Variants in COL7A1 observed in about 807,000 individuals in gnomAD.
COL7A1 encodes the protein collagen type VII alpha 1 chain, also known as collagen alpha-1(VII) chain.
In COL7A1, 296 loss-of-function variants were observed where a neutral mutation model predicts 456.2. That is an observed-to-expected ratio of 0.65 (90% CI 0.59 to 0.71). COL7A1 has a LOEUF of 0.71. Ranked by LOEUF, COL7A1 falls within the 30% of genes least tolerant of loss-of-function variation. The pLI, the probability that COL7A1 is intolerant of heterozygous loss-of-function variation, is 0.00. For synonymous variants in COL7A1, 1,464 were observed against 1,525.9 expected, an observed-to-expected ratio of 0.96 and a Z score of 0.95; for missense variants, 3,441 against 4,017.2, an observed-to-expected ratio of 0.86 and a Z score of 3.88.
Position 48,583,909 on chromosome 3 carries a change from A to G in COL7A1, c.4269T>C (p.Pro1423=), listed in dbSNP as rs2107729806. The G allele has an allele frequency of 6.2e-7, 1 of 1,613,840 alleles. No individual in the cohort carries two copies. Among genetic ancestry groups the G allele is most frequent in the South Asian group, 1.1e-5 (1 of 91,078 alleles). ...CCTCAAGGCCCCTCACCGGCAGCCC[A>G]GGCTCCCCAGGAGCAATGCCACCTT... is the stretch of plus-strand genomic sequence containing the variant. ...PGEGGIAPGE[P]GLPGLPGSPG... The change falls in exon 39 of 119, where the codon CCT becomes CCC. Residue 1423 remains proline (P), a synonymous_variant. Coordinates refer to ENST00000681320, the MANE Select transcript of COL7A1 (RefSeq NM_000094.4). This position sits in a 1 kb window ranked among gnomAD's most constrained non-coding sequence, Gnocchi z 5.1.
chr3:48,567,889 A>C lies in COL7A1; in HGVS notation c.7878T>G (p.Gly2626=), dbSNP rs1284745171. Reference sequence around the variant, plus strand: ...CACAGGCTCCCTTCACTCCCCGTTCACCCTGAGGGAGAAAAGCAGATGAAG... The same window carrying C: ...CACAGGCTCCCTTCACTCCCCGTTCCCCCTGAGGGAGAAAAGCAGATGAAG... The part of the protein sequence containing the change: ...VGFMGPRGLK[G]ERGVKGACGL... Residue 2626 remains glycine (G), a splice_region_variant and synonymous_variant, in exon 107 of 119, where the codon GGT becomes GGG. Transcript: ENST00000681320. This position sits in a 1 kb window ranked among gnomAD's most constrained non-coding sequence, Gnocchi z 4.3. The C allele has an allele frequency of 6.2e-7, 1 of 1,612,736 alleles. No individual in the cohort carries two copies. The highest frequency in any genetic ancestry group is 1.1e-5 in the South Asian group (1 of 91,030).
chr3:48,587,178 C>T lies in COL7A1; in HGVS notation c.3139+12G>A, dbSNP rs2255532. The T allele has an allele frequency of 0.35, 562,418 of 1,612,868 alleles. 107,854 individuals carry two copies. Among genetic ancestry groups the T allele is most frequent in the African/African-American group, 0.78 (58,040 of 74,882 alleles). On this transcript the variant is annotated intron_variant, in intron 24 of 118. Transcript: ENST00000681320. The surrounding 1 kb of genome is among the most constrained non-coding windows in gnomAD (Gnocchi z 6.1). ...ACACACCTTTCTGCCCTTCCCACTA[C>T]GCCCACTATACCTGGCGTCTGTGTG...
In COL7A1 at chr3:48,564,153, G is replaced by A. The variant is rs1304328395; in HGVS notation, c.*253C>T. On this transcript the variant is annotated 3_prime_UTR_variant, in exon 119 of 119. Coordinates refer to ENST00000681320, the MANE Select transcript of COL7A1 (RefSeq NM_000094.4). This position sits in a 1 kb window ranked among gnomAD's most constrained non-coding sequence, Gnocchi z 6.0. Reference sequence around the variant, plus strand: ...GCTTGGGTCAAGGGGCGGGTCAGACGCCAGTCACATCCGCTCACTGCCCAC... The same window carrying A: ...GCTTGGGTCAAGGGGCGGGTCAGACACCAGTCACATCCGCTCACTGCCCAC... The A allele has an allele frequency of 8.5e-6, 5 of 589,248 alleles. No individual in the cohort carries two copies. The highest frequency in any genetic ancestry group is 5.9e-5 in the East Asian group (2 of 34,098). The allele number at this position is 589,248 out of a possible 1,614,324, so 36.5% of individuals were successfully genotyped here. A position where few individuals can be genotyped will look rare whatever the true frequency, so the allele number is the denominator to read the frequency against.
Position 48,581,026 on chromosome 3 carries a change from G to A in COL7A1, c.4935+96C>T. 2 of 1,599,436 alleles carry A rather than the reference G, an allele frequency of 1.3e-6. No individual in the cohort carries two copies. The highest frequency in any genetic ancestry group is 1.7e-6 in the Non-Finnish European group (2 of 1,167,638). On this transcript the variant is annotated intron_variant, in intron 53 of 118. Transcript: ENST00000681320. This position sits in a 1 kb window ranked among gnomAD's most constrained non-coding sequence, Gnocchi z 5.8. ...GGGTCTGAGCAGCAGCTGGACAGGA[G>A]GCAGGGAGTGGATGGATGAACTGGT...
In COL7A1 at chr3:48,579,377, C is replaced by T. The variant is rs2044562067; in HGVS notation, c.5299G>A (p.Gly1767Arg). Residue 1767 changes from glycine to arginine, a missense_variant, in exon 61 of 119, where the codon GGA becomes AGA. This residue lies in a region of COL7A1 where 2,084 missense variants were observed against 2,501.3 expected (regional missense o/e 0.83). Coordinates refer to ENST00000681320, the MANE Select transcript of COL7A1 (RefSeq NM_000094.4). The surrounding 1 kb of genome is among the most constrained non-coding windows in gnomAD (Gnocchi z 4.4). ...CCCCCACACCCTCTCACCTTTTCTCCTGCTGGGCCTCGGACACCTGGGTCC... is the reference window on the plus strand; with the variant it reads ...CCCCCACACCCTCTCACCTTTTCTCTTGCTGGGCCTCGGACACCTGGGTCC... Reference protein sequence around the residue: ...QGDPGVRGPAGEKGDRGPPGL... With the variant: ...QGDPGVRGPAREKGDRGPPGL... 6.2e-7 allele frequency: 1 copy of T among 1,614,214 alleles called. No individual in the cohort carries two copies. The highest frequency in any genetic ancestry group is 8.5e-7 in the Non-Finnish European group (1 of 1,180,034).
chr3:48,582,604 C>T lies in COL7A1; in HGVS notation c.4563+5G>A, dbSNP rs1255815479. 6.2e-7 allele frequency: 1 copy of T among 1,613,740 alleles called. No individual in the cohort carries two copies. The highest frequency in any genetic ancestry group is 8.5e-7 in the Non-Finnish European group (1 of 1,180,036). ...CTCCTGGTCCCACCACAGTCACAGA[C>T]TCACTTCAGGACCCTTGGCTCCAGG... On this transcript the variant is annotated splice_donor_5th_base_variant and intron_variant, in intron 45 of 118. Coordinates refer to ENST00000681320, the MANE Select transcript of COL7A1 (RefSeq NM_000094.4).
chr3:48,578,993 G>T lies in COL7A1; in HGVS notation c.5389-39C>A. ...CAAAGTCAGTTCATCATGGTCATGG[G>T]GTCAGGGGCTCTAGTCCCTGTGAGC... is the stretch of plus-strand genomic sequence containing the variant. On this transcript the variant is annotated intron_variant, in intron 62 of 118. Coordinates refer to ENST00000681320, the MANE Select transcript of COL7A1 (RefSeq NM_000094.4). This position sits in a 1 kb window ranked among gnomAD's most constrained non-coding sequence, Gnocchi z 4.7. The T allele has an allele frequency of 6.2e-7, 1 of 1,613,514 alleles. No homozygotes were observed. The highest frequency in any genetic ancestry group is 8.5e-7 in the Non-Finnish European group (1 of 1,179,660).
In COL7A1 at chr3:48,579,878, T is replaced by C; in HGVS notation, c.5125-64A>G. The C allele has an allele frequency of 2.5e-6, 4 of 1,613,026 alleles. No homozygotes were observed. The highest frequency in any genetic ancestry group is 2.2e-5 in the East Asian group (1 of 44,862). On this transcript the variant is annotated intron_variant, in intron 57 of 118. Coordinates refer to ENST00000681320, the MANE Select transcript of COL7A1 (RefSeq NM_000094.4). The surrounding 1 kb of genome is among the most constrained non-coding windows in gnomAD (Gnocchi z 4.4). ...AGGGGAAGAGGAGTTGGCGAGGGGA[T>C]ACAGGGTCTGTGAGGGGCTCCAGGG...
rs141244073 is a variant in COL7A1, at chr3:48,592,227, T to C, written c.1115A>G (p.Glu372Gly). Residue 372 changes from glutamate (E) to glycine (G), a missense_variant, in exon 10 of 119, where the codon GAG becomes GGG. Coordinates refer to ENST00000681320, the MANE Select transcript of COL7A1 (RefSeq NM_000094.4). The surrounding 1 kb of genome is among the most constrained non-coding windows in gnomAD (Gnocchi z 7.6). Reference protein sequence around the residue: ...VLSGGPTQQQELGPGQGSVLL... With the variant: ...VLSGGPTQQQGLGPGQGSVLL... ...CACTGAACCCTGCCCAGGGCCCAGCTCCTGCTGCTGTGTGGGCCCACCTGC... is the reference window on the plus strand; with the variant it reads ...CACTGAACCCTGCCCAGGGCCCAGCCCCTGCTGCTGTGTGGGCCCACCTGC... The C allele has an allele frequency of 5.6e-6, 9 of 1,613,366 alleles. No homozygotes were observed. In the African/African-American group the frequency reaches 9.4e-5, roughly 17 times the overall value.
chr3:48,591,916 C>T lies in COL7A1; in HGVS notation c.1339G>A (p.Glu447Lys). Reference sequence around the variant, plus strand: ...CACTGACCAGTCTCACGCCGCCATTCCAACCGGTAGCCACGGGCCTCAGGC... The same window carrying T: ...CACTGACCAGTCTCACGCCGCCATTTCAACCGGTAGCCACGGGCCTCAGGC... ...LVPEARGYRL[E>K]WRRETGLEPP... is the part of the protein sequence containing the mutation. The change falls in exon 11 of 119, where the codon GAA becomes AAA. Residue 447 changes from glutamate to lysine, a missense_variant. Glu to Lys is a moderately conservative substitution (Grantham distance 56). Around this residue, in one of 3 missense-constraint regions of COL7A1, gnomAD observed 913 missense variants for 1,088.2 expected, o/e 0.84. Coordinates refer to ENST00000681320, the MANE Select transcript of COL7A1 (RefSeq NM_000094.4). This position sits in a 1 kb window ranked among gnomAD's most constrained non-coding sequence, Gnocchi z 7.0. 6.2e-7 allele frequency: 1 copy of T among 1,614,194 alleles called. No homozygotes were observed. Among genetic ancestry groups the T allele is most frequent in the Non-Finnish European group, 8.5e-7 (1 of 1,180,038 alleles).
In COL7A1 at chr3:48,592,340, C is replaced by T. The variant is rs1311837776; in HGVS notation, c.1093+11G>A. On this transcript the variant is annotated intron_variant, in intron 9 of 118. Coordinates refer to ENST00000681320, the MANE Select transcript of COL7A1 (RefSeq NM_000094.4). The surrounding 1 kb of genome is among the most constrained non-coding windows in gnomAD (Gnocchi z 7.6). The stretch of plus-strand genomic sequence containing the variant: ...CGCGGGGACTCCCCTCAGCCCACAT[C>T]TCTCACTCACCACTGAGGACCCGCC... 2.0e-5 allele frequency: 32 copies of T among 1,613,396 alleles called. No homozygotes were observed. In the East Asian group the frequency reaches 7.1e-4, roughly 36 times the overall value.
In COL7A1 at chr3:48,579,531, G is replaced by A. The variant is rs767301319; in HGVS notation, c.5236-16C>T. ...CTTCAATGCCCTGAGGATAGGGGAG[G>A]AAGAAATCAGAGCAGGCCCTCCCAT... On this transcript the variant is annotated splice_polypyrimidine_tract_variant and intron_variant, in intron 59 of 118. Transcript: ENST00000681320. This position sits in a 1 kb window ranked among gnomAD's most constrained non-coding sequence, Gnocchi z 4.4. 4.3e-6 allele frequency: 7 copies of A among 1,613,924 alleles called. No homozygotes were observed. In the East Asian group the frequency reaches 8.9e-5, roughly 21 times the overall value.
At position 48,571,699 on chromosome 3, in the gene COL7A1, G is replaced by A. The variant is rs1240725372; in HGVS notation, c.7068+302C>T. On this transcript the variant is annotated intron_variant, in intron 92 of 118. Coordinates refer to ENST00000681320, the MANE Select transcript of COL7A1 (RefSeq NM_000094.4). The surrounding 1 kb of genome is among the most constrained non-coding windows in gnomAD (Gnocchi z 4.6). The stretch of plus-strand genomic sequence containing the variant: ...ATTGTAAACACAGGACCAAGGAGAG[G>A]TTCACAAGAACTCAGGTGTGTCCTG... 3 of 644,232 alleles carry A rather than the reference G, an allele frequency of 4.7e-6. No homozygotes were observed. Among genetic ancestry groups the A allele is most frequent in the African/African-American group, 3.6e-5 (2 of 55,928 alleles). The allele number at this position is 644,232 out of a possible 1,614,324, so 39.9% of individuals were successfully genotyped here.
In COL7A1 at chr3:48,590,406, ACCCATAC is replaced by A; in HGVS notation, c.1906+46_1907-51del. On this transcript the variant is annotated intron_variant, in intron 15 of 118. Coordinates refer to ENST00000681320, the MANE Select transcript of COL7A1 (RefSeq NM_000094.4). This position sits in a 1 kb window ranked among gnomAD's most constrained non-coding sequence, Gnocchi z 4.6. ...ATGGCTCCTGCCTGTCCCCTCTGGC[ACCCATAC>A]CCTCATTGGTCCCTTTGGCAGTCCC... 6.2e-7 allele frequency: 1 copy of A among 1,613,912 alleles called. No individual in the cohort carries two copies. The highest frequency in any genetic ancestry group is 8.5e-7 in the Non-Finnish European group (1 of 1,179,944).
At position 48,565,369 on chromosome 3, in the gene COL7A1, G is replaced by A. The variant is rs371458442; in HGVS notation, c.8527+41C>T. On this transcript the variant is annotated intron_variant, in intron 116 of 118. Coordinates refer to ENST00000681320, the MANE Select transcript of COL7A1 (RefSeq NM_000094.4). This position sits in a 1 kb window ranked among gnomAD's most constrained non-coding sequence, Gnocchi z 4.5. ...TCATGGACACCCATGTGCGTGTCTC[G>A]GCCCCACCCATAGCTGCCCCACGGG... 2.1e-4 allele frequency: 332 copies of A among 1,572,994 alleles called. No homozygotes were observed. The highest frequency in any genetic ancestry group is 2.2e-4 in the Non-Finnish European group (253 of 1,157,854).
chr3:48,591,820 A>G lies in COL7A1; in HGVS notation c.1360T>C (p.Leu454=), dbSNP rs753011870. Residue 454 remains leucine, a splice_region_variant and synonymous_variant, in exon 12 of 119, where the codon TTG becomes CTG. Coordinates refer to ENST00000681320, the MANE Select transcript of COL7A1 (RefSeq NM_000094.4). The surrounding 1 kb of genome is among the most constrained non-coding windows in gnomAD (Gnocchi z 7.0). ...YRLEWRRETG[L]EPPQKVVLPS... Reference sequence around the variant, plus strand: ...AGTACCACCTTCTGCGGTGGCTCCAAGCCTGCAAGATAACAGGGTCAGACC... The same window carrying G: ...AGTACCACCTTCTGCGGTGGCTCCAGGCCTGCAAGATAACAGGGTCAGACC... 2 of 1,614,026 alleles carry G rather than the reference A, an allele frequency of 1.2e-6. No individual in the cohort carries two copies. Among genetic ancestry groups the G allele is most frequent in the African/African-American group, 2.7e-5 (2 of 74,908 alleles).
chr3:48,584,473 C>T lies in COL7A1; in HGVS notation c.4119+12G>A. 2 of 1,613,994 alleles carry T rather than the reference C, an allele frequency of 1.2e-6. No individual in the cohort carries two copies. Among genetic ancestry groups the T allele is most frequent in the South Asian group, 2.2e-5 (2 of 91,084 alleles). ...ACTACACATCACTTGCCTCCACATA[C>T]CCTGCACTTACCGATGGTCCAGGGT... On this transcript the variant is annotated intron_variant, in intron 36 of 118. Coordinates refer to ENST00000681320, the MANE Select transcript of COL7A1 (RefSeq NM_000094.4).
Position 48,591,708 on chromosome 3 carries a change from T to C in COL7A1, c.1472A>G (p.His491Arg), listed in dbSNP as rs2107788347. 6.2e-7 allele frequency: 1 copy of C among 1,614,104 alleles called. No individual in the cohort carries two copies. Among genetic ancestry groups the C allele is most frequent in the Non-Finnish European group, 8.5e-7 (1 of 1,179,994 alleles). The change falls in exon 12 of 119, where the codon CAC becomes CGC. Residue 491 changes from histidine (H) to arginine (R), a missense_variant. Physicochemically the swap from His to Arg is conservative, Grantham distance 29 (BLOSUM62 0). This residue lies in a region of COL7A1 where 913 missense variants were observed against 1,088.2 expected (regional missense o/e 0.84). Transcript: ENST00000681320. The surrounding 1 kb of genome is among the most constrained non-coding windows in gnomAD (Gnocchi z 7.0). ...RLTLYTLLEGHEVATPATVVP... is the reference protein window; with the variant it reads ...RLTLYTLLEGREVATPATVVP... ...CACGGTTGCAGGGGTGGCCACCTCG[T>C]GGCCCTCCAGCAGAGTGTAGAGTGT...
chr3:48,571,176 G>A lies in COL7A1; in HGVS notation c.7105-16C>T. On this transcript the variant is annotated splice_polypyrimidine_tract_variant and intron_variant, in intron 93 of 118. Coordinates refer to ENST00000681320, the MANE Select transcript of COL7A1 (RefSeq NM_000094.4). This position sits in a 1 kb window ranked among gnomAD's most constrained non-coding sequence, Gnocchi z 4.6. The stretch of plus-strand genomic sequence containing the variant: ...CTGGGTCACCCTTTGAGGAAAAGAG[G>A]CATCGGATCAAGCTCAGGGAGTCTC... 4 of 1,614,086 alleles carry A rather than the reference G, an allele frequency of 2.5e-6. No homozygotes were observed. Among genetic ancestry groups the A allele is most frequent in the Non-Finnish European group, 2.5e-6 (3 of 1,180,032 alleles).
Sources: gnomAD v4.1 joint callset for allele counts on GRCh38, gnomAD v4.1.1 for gene constraint, gnomAD v4.1.1 regional missense constraint, Gnocchi (gnomAD v3.1) non-coding constraint, MANE v1.5 for transcripts, NCBI Gene and HGNC (gene_info 2026-07-23, HGNC 2026-07-21) for gene names.